Variants in LRRIQ4 observed in about 807,000 individuals in gnomAD.
LRRIQ4 encodes leucine rich repeats and IQ motif containing 4, also known as leucine-rich repeat and IQ domain-containing protein 4.
In LRRIQ4, 21 loss-of-function variants were observed where a neutral mutation model predicts 40.1. The ratio of observed to expected loss-of-function variants is 0.52; its 90% CI spans 0.37 to 0.75. The LOEUF is 0.75. Among genes scored for constraint, LRRIQ4 ranks in the 30% least tolerant of loss-of-function variants. The pLI is 0.00. For synonymous variants in LRRIQ4, 277 were observed against 277.1 expected, an observed-to-expected ratio of 1.00 and a Z score of 0.00; for missense variants, 655 against 660.0, an observed-to-expected ratio of 0.99 and a Z score of 0.08.
intron 2 of LRRIQ4, among the ~76,000 whole-genome samples, chr3:169,825,229 A>G (rs569807498): frequency 1.3e-3 from 192 of 152,104 alleles, no homozygotes; most frequent in African/African-American, 4.4e-3. Context: ...GCTGGTCTCA[A>G]ACTCCTGACC....
rs546140455 is a variant in LRRIQ4 at position 169,828,240 on chromosome 3, T to TG, written c.1021-519_1021-518insG. Among the ~76,000 whole-genome samples the TG allele has an allele frequency of 1.6e-3, 245 of 152,194 alleles. 1 individual carries two copies. Among genetic ancestry groups the TG allele is most frequent in the African/African-American group, 5.7e-3 (236 of 41,526 alleles). On this transcript the variant is annotated intron_variant, in intron 2 of 5. Coordinates refer to ENST00000340806, the MANE Select transcript of LRRIQ4 (RefSeq NM_001080460.3). ...ACATAGGTTAAAAATTGCTCCAATT[T>TG]TTTTTTTTTTGAGACAGATTCTCGC... is the stretch of plus-strand genomic sequence containing the variant.
intron 1 of LRRIQ4, among the ~76,000 whole-genome samples, chr3:169,813,462 T>C (rs1212844611): frequency 6.6e-6 from 1 of 152,166 alleles, no homozygotes; most frequent in Non-Finnish European, 1.5e-5. Context: ...TGGTAATAGT[T>C]TCCTTATCCC....
At chr3:169,836,588 T>G (rs1462226459) in intron 5 of LRRIQ4, among the ~76,000 whole-genome samples, 1 of 152,172 alleles carries the variant, frequency 6.6e-6, no homozygotes, top group Admixed American at 6.5e-5. Flanking sequence ...TGTTATGACC[T>G]CATATAAATC....
In LRRIQ4 at chr3:169,821,886, T is replaced by A; in HGVS notation, c.-31-5T>A. The stretch of plus-strand genomic sequence containing the variant: ...TTTTTTTTCATCCTTTTCACAATAT[T>A]TCAGATTTTGAATATTTGAGCTTTT... On this transcript the variant is annotated splice_polypyrimidine_tract_variant and splice_region_variant and intron_variant, in intron 1 of 5. Coordinates refer to ENST00000340806, the MANE Select transcript of LRRIQ4 (RefSeq NM_001080460.3). The A allele has an allele frequency of 7.4e-7, 1 of 1,345,592 alleles. No individual in the cohort carries two copies. Among genetic ancestry groups the A allele is most frequent in the Non-Finnish European group, 9.8e-7 (1 of 1,025,060 alleles). The allele number at this position is 1,345,592 out of a possible 1,614,324, so 83.4% of individuals were successfully genotyped here. A position where few individuals can be genotyped will look rare whatever the true frequency, so the allele number is the denominator to read the frequency against.
chr3:169,834,441 A>C (rs148449811), intron 5 of LRRIQ4, among the ~76,000 whole-genome samples: 228 of 152,342 alleles, frequency 1.5e-3, no homozygotes, highest in Non-Finnish European at 2.7e-3. Flanking sequence ...TTAATTGAAT[A>C]CTTCCTAAAA....
chr3:169,829,707 G>T (rs1418257293), intron 3 of LRRIQ4, among the ~76,000 whole-genome samples: 1 of 152,082 alleles, frequency 6.6e-6, no homozygotes, highest in Non-Finnish European at 1.5e-5. Context: ...TGCCATGTTG[G>T]CCAGGCTGGT....
intron 5 of LRRIQ4, 82 bp from the exon 6 acceptor site, chr3:169,837,395 CAT>C (rs1307754907): frequency 1.1e-5 from 16 of 1,405,956 alleles, no homozygotes; most frequent in Admixed American, 5.6e-5. Flanking sequence ...TCTTCAAGAC[CAT>C]GTATCAGAAT....
intron 4 of LRRIQ4, among the ~76,000 whole-genome samples, chr3:169,831,261 C>CTTTTTTTTTTTTTTTTT (rs869088396): frequency 3.0e-5 from 1 of 33,460 alleles, no homozygotes; most frequent in African/African-American, 1.0e-4. Flanking sequence ...TATGGCTATT[C>CTTTTTTTTTTTTTTTTT]TTTTTTTTTT....
At chr3:169,829,749 C>T (rs1780120134) in intron 3 of LRRIQ4, among the ~76,000 whole-genome samples, 2 of 152,234 alleles carry the variant, frequency 1.3e-5, no homozygotes, top group Non-Finnish European at 2.9e-5. Context: ...GATCCACCTG[C>T]CTCGGCCTCC....
chr3:169,819,921 G>C (rs542808238), intron 1 of LRRIQ4, among the ~76,000 whole-genome samples: 7 of 152,294 alleles, frequency 4.6e-5, no homozygotes, highest in South Asian at 4.1e-4. Flanking sequence ...TGATGACTAA[G>C]TGACAAAAAT....
chr3:169,837,757 TCTTA>T lies in LRRIQ4; in HGVS notation c.*130_*133del. The T allele has an allele frequency of 1.3e-6, 1 of 795,956 alleles. No homozygotes were observed. Among genetic ancestry groups the T allele is most frequent in the Non-Finnish European group, 1.9e-6 (1 of 526,598 alleles). The allele number at this position is 795,956 out of a possible 1,614,324, so 49.3% of individuals were successfully genotyped here. The stretch of plus-strand genomic sequence containing the variant: ...ACACTTATGTGTAAAAATAAATGAT[TCTTA>T]CTTTTACTGAAATATTTATGGATAA... On this transcript the variant is annotated 3_prime_UTR_variant, in exon 6 of 6. Transcript: ENST00000340806.
chr3:169,837,356 A>G, intron 5 of LRRIQ4, 123 bp from the exon 6 acceptor site: 1 of 1,060,066 alleles, frequency 9.4e-7, no homozygotes, highest in Non-Finnish European at 1.3e-6. Context: ...TAAAATTTAG[A>G]GTTCTAATCA....
Position 169,828,882 on chromosome 3 carries a change from G to A in LRRIQ4, c.1144G>A (p.Asp382Asn), listed in dbSNP as rs764745068. The change falls in exon 3 of 6, where the codon GAC becomes AAC. Residue 382 changes from aspartate (D) to asparagine (N), a missense_variant. By Grantham distance (23) the Asp-to-Asn change is conservative. Coordinates refer to ENST00000340806, the MANE Select transcript of LRRIQ4 (RefSeq NM_001080460.3). ...TTTAGAGAAATTATACATTGGGCAA[G>A]ACCAGGGATTCAAACTTACCTATGT... ...ASLEKLYIGQ[D>N]QGFKLTYVPE... 1.4e-5 allele frequency: 22 copies of A among 1,613,650 alleles called. No individual in the cohort carries two copies. The African/African-American group carries it at 2.4e-4, about 18-fold the overall frequency.
At chr3:169,820,010 T>C (rs1779843949) in intron 1 of LRRIQ4, among the ~76,000 whole-genome samples, 1 of 152,210 alleles carries the variant, frequency 6.6e-6, no homozygotes. Context: ...AGAGCTGGTT[T>C]TGAGTCCAGG....
chr3:169,823,035 C>A, intron 2 of LRRIQ4, 94 bp downstream of exon 2: 1 of 1,053,082 alleles, frequency 9.5e-7, no homozygotes, highest in Non-Finnish European at 1.3e-6. Flanking sequence ...TTTGAACTGA[C>A]TTTATGGGCG....
At chr3:169,834,624 A>G (rs1196547806) in intron 5 of LRRIQ4, among the ~76,000 whole-genome samples, 1 of 152,220 alleles carries the variant, frequency 6.6e-6, no homozygotes, top group Admixed American at 6.5e-5. Flanking sequence ...GAAACTGAAT[A>G]TCATTATGAT....
At chr3:169,814,424 G>A (rs1576756633) in intron 1 of LRRIQ4, among the ~76,000 whole-genome samples, 6 of 152,092 alleles carry the variant, frequency 3.9e-5, no homozygotes, top group Non-Finnish European at 8.8e-5. Flanking sequence ...CTCCTCCGCC[G>A]GTGTGTTCCT....
rs1413452358 is a variant in LRRIQ4, at chr3:169,822,399, G to A, written c.478G>A (p.Glu160Lys). ...TGNHLKCLPK[E>K]IVNQTKLREI... The stretch of plus-strand genomic sequence containing the variant: ...AAACCACCTGAAATGTCTGCCCAAG[G>A]AAATAGTGAACCAGACCAAGCTGAG... The change falls in exon 2 of 6, where the codon GAA (glutamate) becomes AAA (lysine). Residue 160 changes from glutamate (E) to lysine (K), a missense_variant. Transcript: ENST00000340806. The A allele has an allele frequency of 6.2e-7, 1 of 1,612,750 alleles. No individual in the cohort carries two copies. Among genetic ancestry groups the A allele is most frequent in the South Asian group, 1.1e-5 (1 of 90,832 alleles).
chr3:169,825,239 C>A (rs932874888), intron 2 of LRRIQ4, among the ~76,000 whole-genome samples: 3 of 152,130 alleles, frequency 2.0e-5, no homozygotes, highest in African/African-American at 7.2e-5. Flanking sequence ...AACTCCTGAC[C>A]TCATGATCTG....
Sources: allele counts gnomAD v4.1 joint callset (sites outside exome capture counted in the v4.1 genomes callset), GRCh38; gene constraint gnomAD v4.1.1; transcripts MANE v1.5; gene names NCBI Gene and HGNC (gene_info 2026-07-23, HGNC 2026-07-21).